PDE1C: variants seen among roughly 807,000 people sequenced by gnomAD.
PDE1C encodes the protein phosphodiesterase 1C, also known as dual specificity calcium/calmodulin-dependent 3',5'-cyclic nucleotide phosphodiesterase 1C.
PDE1C carries 62 observed loss-of-function variants against 93.1 expected under a neutral mutation model. The ratio of observed to expected loss-of-function variants is 0.67; its 90% CI spans 0.54 to 0.82. The LOEUF (loss-of-function observed/expected upper bound fraction) is 0.82, where lower values mean the gene tolerates loss of function less well. Among genes scored for constraint, PDE1C ranks in the 40% least tolerant of loss-of-function variants. PDE1C has a pLI of 0.00. For missense variants in PDE1C, 742 were observed against 884.6 expected, an observed-to-expected ratio of 0.84 and a Z score of 2.04; for synonymous variants, 325 against 310.1, an observed-to-expected ratio of 1.05 and a Z score of -0.50.
the PDE1C span, chr7:31,652,144 T>A: frequency 3.0e-6 from 3 of 993,442 alleles, no homozygotes; most frequent in Non-Finnish European, 4.6e-6. Flanking sequence ...CATTTCAGAA[T>A]CTAGGTTTAC....
chr7:31,883,059 CA>C (rs1365204166), intron 2 of PDE1C, among the ~76,000 whole-genome samples: 2 of 152,062 alleles, frequency 1.3e-5, no homozygotes, highest in Non-Finnish European at 2.9e-5. Context: ...TACAAAGTAA[CA>C]AAAAATTGTC....
intron 3 of PDE1C, among the ~76,000 whole-genome samples, chr7:32,123,374 A>T (rs1799402526): frequency 6.6e-6 from 1 of 152,042 alleles, no homozygotes; most frequent in African/African-American, 2.4e-5. Flanking sequence ...AGCCAGCATC[A>T]TCCTGATACC....
At chr7:32,163,719 A>C (rs551343610) in intron 3 of PDE1C, among the ~76,000 whole-genome samples, 2 of 152,290 alleles carry the variant, frequency 1.3e-5, no homozygotes, top group Admixed American at 1.3e-4. Flanking sequence ...TGGGCAATGC[A>C]CTGAGTGGCT....
chr7:31,881,922 C>G (rs1797302686), intron 2 of PDE1C, among the ~76,000 whole-genome samples: 1 of 152,144 alleles, frequency 6.6e-6, no homozygotes. Context: ...AAAATTCTAG[C>G]AAGATATTTA....
At chr7:32,310,760 G>C (rs1169289797) in intron 1 of PDE1C, among the ~76,000 whole-genome samples, 3 of 151,336 alleles carry the variant, frequency 2.0e-5, no homozygotes, top group Middle Eastern at 3.4e-3. Context: ...GCAGTGTGTA[G>C]AGGGAAATTT....
intron 3 of PDE1C, among the ~76,000 whole-genome samples, chr7:32,119,822 C>T (rs1004568165): frequency 2.0e-5 from 3 of 152,228 alleles, no homozygotes; most frequent in Admixed American, 6.5e-5. Flanking sequence ...TGAAGTCCTG[C>T]GGATTCTCAA....
At chr7:32,243,451 A>T (rs1808687724) in intron 1 of PDE1C, among the ~76,000 whole-genome samples, 1 of 152,194 alleles carries the variant, frequency 6.6e-6, no homozygotes, top group South Asian at 2.1e-4. Context: ...GTGGTTTTCA[A>T]TTATTCATAC....
chr7:32,019,190 A>G (rs1421260359), intron 2 of PDE1C, among the ~76,000 whole-genome samples: 1 of 151,734 alleles, frequency 6.6e-6, no homozygotes, highest in Non-Finnish European at 1.5e-5. Flanking sequence ...GACAAAGTCC[A>G]AGGTCCCTGG....
chr7:32,286,819 G>A (rs1812031274), intron 1 of PDE1C, among the ~76,000 whole-genome samples: 1 of 152,168 alleles, frequency 6.6e-6, no homozygotes, highest in Admixed American at 6.5e-5. Flanking sequence ...TGGATAATGA[G>A]GTTTTCTTTC....
intron 1 of PDE1C, among the ~76,000 whole-genome samples, chr7:32,249,877 C>T (rs1458719717): frequency 6.6e-6 from 1 of 152,090 alleles, no homozygotes; most frequent in Non-Finnish European, 1.5e-5. Context: ...TTGAAAATCC[C>T]TTAATTCAAT....
At chr7:32,299,701 C>A (rs1812835142), upstream of PDE1C, among the ~76,000 whole-genome samples, 1 of 152,174 alleles carries the variant, frequency 6.6e-6, no homozygotes. Flanking sequence ...CACTTTATGA[C>A]GATGCCAAGT....
intron 3 of PDE1C, among the ~76,000 whole-genome samples, chr7:32,125,165 G>A (rs185420259): frequency 1.1e-4 from 17 of 152,216 alleles, no homozygotes; most frequent in African/African-American, 3.6e-4. Flanking sequence ...AAACCATAAC[G>A]AGATACCATC....
intron 1 of PDE1C, among the ~76,000 whole-genome samples, chr7:32,276,765 A>G (rs1176747900): frequency 6.6e-6 from 1 of 152,230 alleles, no homozygotes; most frequent in Admixed American, 6.5e-5. Flanking sequence ...CACCCGGTCC[A>G]CAAGAACCAC....
chr7:31,659,162 T>TA, the PDE1C span, among the ~76,000 whole-genome samples: 389 of 152,342 alleles, frequency 2.6e-3, 3 homozygotes, highest in African/African-American at 9.1e-3. Context: ...TATATATATA[T>TA]TTTTTAAAGT....
chr7:31,873,358 C>T lies in PDE1C; in HGVS notation c.543G>A (p.Gly181=). 1 of 1,613,702 alleles carries T rather than the reference C, an allele frequency of 6.2e-7. No homozygotes were observed. The highest frequency in any genetic ancestry group is 2.2e-5 in the East Asian group (1 of 44,848). ...FDVFSLNEAS[G]DHALKFIFYE... Reference sequence around the variant, plus strand: ...AGAAAATAAATTTCAGTGCATGATCCCCACTGGCCTCATTGAGGGAAAAGA... The same window carrying T: ...AGAAAATAAATTTCAGTGCATGATCTCCACTGGCCTCATTGAGGGAAAAGA... The change falls in exon 6 of 18, where the codon GGG becomes GGA. Residue 181 remains glycine, a synonymous_variant. Coordinates refer to ENST00000396191, the MANE Select transcript of PDE1C (RefSeq NM_001191057.4).
intron 11 of PDE1C, among the ~76,000 whole-genome samples, chr7:31,836,347 T>C (rs1230044210): frequency 1.3e-5 from 2 of 152,100 alleles, no homozygotes; most frequent in African/African-American, 4.8e-5. Flanking sequence ...TCTTTTTTTC[T>C]TTTTCTGAGA....
In PDE1C at chr7:32,147,239, A is replaced by C. The variant is rs190517125; in HGVS notation, c.308+22546T>G. On this transcript the variant is annotated intron_variant, in intron 3 of 18. Transcript: ENST00000396193. The stretch of plus-strand genomic sequence containing the variant: ...TAGTGTGAGCTCATTTGGTAAATAA[A>C]AAAGAAAGAAAGAAAAGAAAGAAAG... Among the ~76,000 whole-genome samples, 132 of 128,986 alleles carry C rather than the reference A, an allele frequency of 1.0e-3. No homozygotes were observed. In the South Asian group the frequency reaches 0.022, roughly 21 times the overall value. 84.6% of individuals were successfully genotyped at this position (128,986 alleles called of 152,430 possible).
chr7:32,359,693 T>A (rs1784098549), intron 1 of PDE1C, among the ~76,000 whole-genome samples: 1 of 152,262 alleles, frequency 6.6e-6, no homozygotes, highest in Non-Finnish European at 1.5e-5. Flanking sequence ...ATTGTATAAA[T>A]GTAAGAGGCT....
Position 31,771,666 on chromosome 7 carries a change from T to A in PDE1C, c.1960+3998A>T, listed in dbSNP as rs1174685562. 1.6e-4 allele frequency among the ~76,000 whole-genome samples: 24 copies of A among 152,220 alleles called. 1 individual carries two copies. The highest frequency in any genetic ancestry group is 1.6e-3 in the Admixed American group (24 of 15,282). The stretch of plus-strand genomic sequence containing the variant: ...ATCCCAATATATAATTTGAAAATAT[T>A]TTCTCATATTGTGAGCTGCCTTTTC... On this transcript the variant is annotated intron_variant, in intron 17 of 17. Transcript: ENST00000396191.
Sources: allele counts gnomAD v4.1 joint callset (sites outside exome capture counted in the v4.1 genomes callset), GRCh38; gene constraint gnomAD v4.1.1; transcripts MANE v1.5; gene names NCBI Gene and HGNC (gene_info 2026-07-23, HGNC 2026-07-21).